Variants in MSRB3 observed in about 807,000 individuals in gnomAD.
MSRB3 encodes the protein methionine sulfoxide reductase B3, also known as methionine-R-sulfoxide reductase B3.
Under a neutral mutation model 21.0 loss-of-function variants are expected in MSRB3, and 13 were observed. That is an observed-to-expected ratio of 0.62 (90% CI 0.40 to 0.98). MSRB3 has a LOEUF of 0.98. Ranked by LOEUF, MSRB3 falls within the 50% of genes least tolerant of loss-of-function variation. The probability of loss-of-function intolerance (pLI) is 0.00; values close to 1 mark genes in which losing one functional copy is unlikely to be tolerated. For synonymous variants in MSRB3, 87 were observed against 88.6 expected, an observed-to-expected ratio of 0.98 and a Z score of 0.10; for missense variants, 199 against 230.3, an observed-to-expected ratio of 0.86 and a Z score of 0.88.
chr12:65,296,871 T>C (rs943977065), intron 1 of MSRB3, among the ~76,000 whole-genome samples: 1 of 152,164 alleles, frequency 6.6e-6, no homozygotes, highest in Non-Finnish European at 1.5e-5. Flanking sequence ...AAGAACTGAT[T>C]AATTTTCTCA....
intron 6 of MSRB3, among the ~76,000 whole-genome samples, chr12:65,460,864 A>G (rs1883298404): frequency 6.6e-6 from 1 of 152,100 alleles, no homozygotes; most frequent in African/African-American, 2.4e-5. Context: ...CCAGTTCAAC[A>G]GATTCAATTA....
chr12:65,459,113 TA>T (rs59554241), intron 6 of MSRB3, among the ~76,000 whole-genome samples: 57,338 of 152,002 alleles, frequency 0.38, 11,280 homozygotes, highest in Middle Eastern at 0.54. Flanking sequence ...CTTTTTGTAA[TA>T]TTTTTTTAAG....
At chr12:65,383,439 T>C (rs563661827) in intron 5 of MSRB3, among the ~76,000 whole-genome samples, 1 of 152,272 alleles carries the variant, frequency 6.6e-6, no homozygotes, top group South Asian at 2.1e-4. Context: ...CTTTTGATTA[T>C]TTTTTGCTTG....
intron 4 of MSRB3, among the ~76,000 whole-genome samples, chr12:65,346,448 T>C (rs1876511954): frequency 6.6e-6 from 1 of 152,210 alleles, no homozygotes; most frequent in Non-Finnish European, 1.5e-5. Flanking sequence ...TTTTTTCTTG[T>C]AAATTTGTTT....
At chr12:65,333,323 T>C (rs1423684189) in intron 4 of MSRB3, among the ~76,000 whole-genome samples, 4 of 152,232 alleles carry the variant, frequency 2.6e-5, no homozygotes, top group African/African-American at 9.6e-5. Context: ...AATGCTTTTG[T>C]ATGTAATAGG....
chr12:65,450,591 A>G (rs1486540347), intron 5 of MSRB3, among the ~76,000 whole-genome samples: 1 of 152,224 alleles, frequency 6.6e-6, no homozygotes, highest in East Asian at 1.9e-4. Flanking sequence ...AGTGCATGGA[A>G]TGCATCCAAA....
intron 5 of MSRB3, among the ~76,000 whole-genome samples, chr12:65,401,792 T>G (rs1880141070): frequency 6.6e-6 from 1 of 152,222 alleles, no homozygotes; most frequent in Non-Finnish European, 1.5e-5. Context: ...GGAGCTCTTA[T>G]AAGGCAAGCC....
intron 1 of MSRB3, among the ~76,000 whole-genome samples, chr12:65,294,481 A>G (rs1002244984): frequency 6.6e-6 from 1 of 152,166 alleles, no homozygotes; most frequent in African/African-American, 2.4e-5. Flanking sequence ...CTATTTTTAT[A>G]CTTATCATTT....
At chr12:65,287,104 A>G (rs906418739) in intron 1 of MSRB3, among the ~76,000 whole-genome samples, 2 of 148,996 alleles carry the variant, frequency 1.3e-5, no homozygotes, top group Non-Finnish European at 3.0e-5. Flanking sequence ...AGATAGCCCT[A>G]AATTTTATGT....
chr12:65,395,323 G>A (rs548972868), intron 5 of MSRB3, among the ~76,000 whole-genome samples: 22 of 152,012 alleles, frequency 1.4e-4, no homozygotes, highest in South Asian at 4.2e-4. Context: ...AAAATTAGCC[G>A]GGCATAGTGG....
At chr12:65,289,017 A>G (rs1721728099) in intron 1 of MSRB3, among the ~76,000 whole-genome samples, 2 of 152,232 alleles carry the variant, frequency 1.3e-5, no homozygotes, top group Admixed American at 6.5e-5. Context: ...ATCCAGCTTC[A>G]GAAATGAAAT....
intron 5 of MSRB3, among the ~76,000 whole-genome samples, chr12:65,425,748 T>C (rs185170175): frequency 2.0e-5 from 3 of 152,324 alleles, no homozygotes; most frequent in Non-Finnish European, 4.4e-5. Flanking sequence ...AGTTTTGTCT[T>C]TTAACTTTCA....
In MSRB3 at chr12:65,278,720, G is replaced by A. The variant is rs773861736; in HGVS notation, c.-197G>A. 7 of 1,508,292 alleles carry A rather than the reference G, an allele frequency of 4.6e-6. No individual in the cohort carries two copies. Among genetic ancestry groups the A allele is most frequent in the Admixed American group, 3.7e-5 (2 of 54,652 alleles). 93.4% of individuals were successfully genotyped at this position (1,508,292 alleles called of 1,614,324 possible). On this transcript the variant is annotated 5_prime_UTR_variant, in exon 1 of 7. Coordinates refer to ENST00000308259, the MANE Select transcript of MSRB3 (RefSeq NM_001031679.3). ...GCCCCGTCCGTCGCCCGGAGCCGGG[G>A]AGGGAGGGAGCGAGGTTCGGACACC...
intron 1 of MSRB3, among the ~76,000 whole-genome samples, chr12:65,292,007 A>G (rs1245137460): frequency 1.3e-5 from 2 of 152,204 alleles, no homozygotes; most frequent in African/African-American, 4.8e-5. Context: ...ATAGGAATTG[A>G]TAATGGTTTG....
At chr12:65,431,272 A>G (rs1056345639) in intron 5 of MSRB3, among the ~76,000 whole-genome samples, 6 of 152,016 alleles carry the variant, frequency 3.9e-5, no homozygotes, top group Non-Finnish European at 7.4e-5. Flanking sequence ...TGAAAAATCA[A>G]TCTCTTTCAT....
intron 5 of MSRB3, among the ~76,000 whole-genome samples, chr12:65,406,547 C>G (rs1206376807): frequency 6.6e-6 from 1 of 152,172 alleles, no homozygotes; most frequent in African/African-American, 2.4e-5. Flanking sequence ...CAATGTCTTT[C>G]AAAATCCAAA....
At chr12:65,388,465 A>T (rs1355857623) in intron 5 of MSRB3, among the ~76,000 whole-genome samples, 1 of 152,230 alleles carries the variant, frequency 6.6e-6, no homozygotes, top group African/African-American at 2.4e-5. Context: ...ACTGTGTTTC[A>T]GTGTTATCTC....
intron 5 of MSRB3, among the ~76,000 whole-genome samples, chr12:65,380,609 CAAT>C (rs548271549): frequency 1.2e-4 from 18 of 151,820 alleles, no homozygotes; most frequent in Non-Finnish European, 2.1e-4. Flanking sequence ...ACTCTGTGGC[CAAT>C]AATAATAACG....
chr12:65,397,525 T>C (rs1302761806), intron 5 of MSRB3, among the ~76,000 whole-genome samples: 2 of 152,192 alleles, frequency 1.3e-5, no homozygotes, highest in Non-Finnish European at 2.9e-5. Flanking sequence ...TTGGTTTTAA[T>C]TGAGCATTTT....
Sources: allele counts gnomAD v4.1 joint callset (sites outside exome capture counted in the v4.1 genomes callset), GRCh38; gene constraint gnomAD v4.1.1; transcripts MANE v1.5; gene names NCBI Gene and HGNC (gene_info 2026-07-23, HGNC 2026-07-21).